The following SDHA variants were observed in gnomAD, a reference collection of about 807,000 sequenced individuals.
The protein encoded by SDHA is succinate dehydrogenase [ubiquinone] flavoprotein subunit, mitochondrial.
SDHA carries 48 observed loss-of-function variants against 78.4 expected under a neutral mutation model. The ratio of observed to expected loss-of-function variants is 0.61; its 90% confidence interval spans 0.49 to 0.78. The LOEUF (loss-of-function observed/expected upper bound fraction) is 0.78. SDHA is among the 30% of genes least tolerant of loss of function. The pLI is 0.00. For missense variants in SDHA, 680 were observed against 892.7 expected (o/e 0.76, Z 3.04); for synonymous variants, 326 against 353.9 (o/e 0.92, Z 0.88).
chr5:245,392 A>G (rs1425722795), intron 11 of SDHA, among the ~76,000 whole-genome samples: 5 of 152,190 alleles, frequency 3.3e-5, no homozygotes, highest in Admixed American at 2.0e-4. Flanking sequence ...TGCATTTACA[A>G]TTCGTGCAGT....
At chr5:231,556 T>C (rs1735397881) in intron 7 of SDHA, among the ~76,000 whole-genome samples, 1 of 124,080 alleles carries the variant, frequency 8.1e-6, no homozygotes, top group African/African-American at 3.8e-5. Flanking sequence ...TAAGACTCCG[T>C]CTCAAAAAAA....
intron 10 of SDHA, 70 bp downstream of exon 10, chr5:236,669 T>A (rs540604183): frequency 6.6e-7 from 1 of 1,522,880 alleles, no homozygotes; most frequent in Non-Finnish European, 9.1e-7. Flanking sequence ...TTTTCTTTTT[T>A]TTGAGAAAGG....
the SDHA span, among the ~76,000 whole-genome samples, chr5:266,116 C>CTGG: frequency 6.6e-6 from 1 of 152,204 alleles, no homozygotes; most frequent in African/African-American, 2.4e-5. Context: ...CCAGGGACCA[C>CTGG]AGTTTGAAAA....
At chr5:268,188 CTTT>C in the SDHA span, among the ~76,000 whole-genome samples, 1 of 145,084 alleles carries the variant, frequency 6.9e-6, no homozygotes, top group African/African-American at 2.5e-5. Flanking sequence ...TTTTTTCTTT[CTTT>C]TTTTTTTTTT....
intron 6 of SDHA, among the ~76,000 whole-genome samples, chr5:230,374 C>A (rs934974427): frequency 2.0e-5 from 3 of 152,152 alleles, no homozygotes; most frequent in Non-Finnish European, 4.4e-5. Context: ...CGCCTGTAAT[C>A]CCGGCACTTT....
rs1308362472 is a variant in SDHA at position 244,179 on chromosome 5, C to T, written c.1551+3703C>T. The stretch of plus-strand genomic sequence containing the variant: ...TCACCCCTGTACAATGTCTGTTCCC[C>T]GCCACAGCCGGTAGTGCCACAGTAG... On this transcript the variant is annotated intron_variant, in intron 11 of 14. Coordinates refer to ENST00000264932, the MANE Select transcript of SDHA (RefSeq NM_004168.4). 4.0e-5 allele frequency among the ~76,000 whole-genome samples: 6 copies of T among 151,868 alleles called. No individual in the cohort carries two copies. In the East Asian group the frequency reaches 5.9e-4, roughly 15 times the overall value.
At chr5:265,892 T>C in the SDHA span, among the ~76,000 whole-genome samples, 2 of 151,502 alleles carry the variant, frequency 1.3e-5, no homozygotes, top group Non-Finnish European at 1.5e-5. Context: ...CAGGATCACC[T>C]GGAGGGACCC....
At chr5:234,989 T>G in intron 8 of SDHA, 155 bp from the exon 9 acceptor site, 1 of 759,490 alleles carries the variant, frequency 1.3e-6, no homozygotes, top group Non-Finnish European at 2.3e-6. Context: ...CAGTAGCTGC[T>G]TAGAAAAGAT....
chr5:245,212 AGAATGTTAACT>A (rs1736370937), intron 11 of SDHA, among the ~76,000 whole-genome samples: 1 of 152,366 alleles, frequency 6.6e-6, no homozygotes, highest in South Asian at 2.1e-4. Flanking sequence ...AGGTAAATGG[AGAATGTTAACT>A]GACTTAAGAG....
rs751633537 is a variant in SDHA at position 218,349 on chromosome 5, A to C, written c.-7A>C. On this transcript the variant is annotated 5_prime_UTR_variant, in exon 1 of 15. Transcript: ENST00000264932. ...ACTGGCGGGACTGCGCGGCGGCAAC[A>C]GCAGACATGTCGGGGGTCCGGGGCC... 1.0e-3 allele frequency: 1,460 copies of C among 1,455,416 alleles called. 1 individual carries two copies. The highest frequency in any genetic ancestry group is 4.5e-3 in the Middle Eastern group (18 of 3,986). 90.2% of individuals were successfully genotyped at this position (1,455,416 alleles called of 1,614,324 possible).
At chr5:242,338 C>G (rs148416613) in intron 11 of SDHA, among the ~76,000 whole-genome samples, 14,571 of 152,228 alleles carry the variant, frequency 0.096, 985 homozygotes, top group Non-Finnish European at 0.13. Context: ...CCTGGCCCAC[C>G]CAGGGTGGAA....
chr5:248,376 G>C, intron 11 of SDHA, among the ~76,000 whole-genome samples: 1 of 152,200 alleles, frequency 6.6e-6, no homozygotes, highest in East Asian at 1.9e-4. Context: ...AAGAAAACCT[G>C]AGGAAAGCGG....
chr5:239,988 T>G (rs1736040707), intron 10 of SDHA, among the ~76,000 whole-genome samples: 1 of 152,170 alleles, frequency 6.6e-6, no homozygotes, highest in Non-Finnish European at 1.5e-5. Context: ...AGGCTGCTCT[T>G]GAATTCCTGA....
At chr5:225,646 G>A (rs574620269) in intron 4 of SDHA, 84 bp downstream of exon 4, 41 of 1,588,708 alleles carry the variant, frequency 2.6e-5, no homozygotes, top group South Asian at 5.5e-5. Context: ...CAATTGAGGC[G>A]GATGTGGCAG....
At chr5:262,870 TATG>T in the SDHA span, among the ~76,000 whole-genome samples, 907 of 152,354 alleles carry the variant, frequency 6.0e-3, 10 homozygotes, top group African/African-American at 0.02. Context: ...ACCAACTTAA[TATG>T]ATAAATTTGT....
At chr5:233,394 C>CA (rs1735535874) in intron 7 of SDHA, 83 bp from the exon 8 acceptor site, 2 of 1,480,114 alleles carry the variant, frequency 1.4e-6, no homozygotes, top group Non-Finnish European at 9.4e-7. Context: ...CTCTTTCCCC[C>CA]AAAAAATGTC....
intron 11 of SDHA, among the ~76,000 whole-genome samples, chr5:247,579 CAGG>C (rs1460042097): frequency 1.3e-5 from 2 of 152,354 alleles, no homozygotes; most frequent in East Asian, 1.9e-4. Flanking sequence ...TCATCTTTTA[CAGG>C]AGGAGTTAAT....
chr5:240,879 T>C (rs1022770521), intron 11 of SDHA, among the ~76,000 whole-genome samples: 2 of 152,130 alleles, frequency 1.3e-5, no homozygotes, highest in African/African-American at 4.8e-5. Flanking sequence ...CCGAGTAGTA[T>C]TTCATGGTAT....
chr5:252,898 A>ACT, intron 13 of SDHA: 3 of 152,706 alleles, frequency 2.0e-5, no homozygotes, highest in African/African-American at 2.4e-5. Context: ...CAGTTTATTA[A>ACT]TGAGTAAGTC....
Sources: allele counts gnomAD v4.1 joint callset (sites outside exome capture counted in the v4.1 genomes callset), GRCh38; gene constraint gnomAD v4.1.1; transcripts MANE v1.5; gene names NCBI Gene and HGNC (gene_info 2026-07-23, HGNC 2026-07-21).